Variants in CELF2 observed in about 807,000 individuals in gnomAD.
CELF2 encodes the protein CUG triplet repeat RNA-binding protein 2.
CELF2 carries 8 observed loss-of-function variants against 62.6 expected under a neutral mutation model. That is an observed-to-expected ratio of 0.13 (90% CI 0.07 to 0.23). CELF2 has a LOEUF of 0.23. Among genes scored for constraint, CELF2 ranks in the 10% least tolerant of loss-of-function variants. The pLI is 1.00. For synonymous variants in CELF2, 258 were observed against 250.0 expected (o/e 1.03, Z -0.30); for missense variants, 333 against 671.0 (o/e 0.50, Z 5.56).
At chr10:11,088,523 A>T (rs1207785067) in intron 1 of CELF2, among the ~76,000 whole-genome samples, 5 of 143,638 alleles carry the variant, frequency 3.5e-5, no homozygotes, top group African/African-American at 1.3e-4. Flanking sequence ...TGAATTCAGT[A>T]AGCTACAGAA....
At chr10:10,497,970 T>C in the CELF2 span, among the ~76,000 whole-genome samples, 1 of 152,130 alleles carries the variant, frequency 6.6e-6, no homozygotes, top group Non-Finnish European at 1.5e-5. Flanking sequence ...GAGACTATTG[T>C]AGTAATTCAG....
chr10:10,529,720 G>A, the CELF2 span, among the ~76,000 whole-genome samples: 1 of 146,908 alleles, frequency 6.8e-6, no homozygotes, highest in Non-Finnish European at 1.5e-5. Flanking sequence ...AATGGTGAGT[G>A]TGAAGCAATC....
intron 2 of CELF2, among the ~76,000 whole-genome samples, chr10:10,962,944 G>A (rs1034770312): frequency 3.9e-5 from 6 of 152,190 alleles, no homozygotes; most frequent in Admixed American, 6.5e-5. Context: ...TTCATCAAAC[G>A]TGCAATGCCA....
intron 1 of CELF2, among the ~76,000 whole-genome samples, chr10:11,019,642 A>G (rs776875593): frequency 1.3e-5 from 2 of 152,154 alleles, no homozygotes; most frequent in South Asian, 2.1e-4. Context: ...CTGTTATGCA[A>G]ATTGTCTTTT....
the CELF2 span, among the ~76,000 whole-genome samples, chr10:10,643,944 C>A: frequency 2.0e-5 from 3 of 152,196 alleles, no homozygotes; most frequent in Non-Finnish European, 2.9e-5. Context: ...TAATCTGTTT[C>A]TCCCCTGTCT....
chr10:11,029,368 C>T (rs1016791562), intron 1 of CELF2, among the ~76,000 whole-genome samples: 3 of 152,196 alleles, frequency 2.0e-5, no homozygotes, highest in African/African-American at 7.2e-5. Flanking sequence ...TGACAGTTTG[C>T]TCCCAGTGCT....
chr10:10,705,289 C>T, the CELF2 span, among the ~76,000 whole-genome samples: 5 of 151,670 alleles, frequency 3.3e-5, no homozygotes, highest in African/African-American at 7.3e-5. Context: ...ATTTGTGAAG[C>T]TCTCAAACTC....
chr10:10,930,166 T>C lies in CELF2; in HGVS notation c.89+10167T>C, dbSNP rs140608061. Among the ~76,000 whole-genome samples, 213 of 152,324 alleles carry C rather than the reference T, an allele frequency of 1.4e-3. 1 individual carries two copies. The highest frequency in any genetic ancestry group is 4.8e-3 in the African/African-American group (201 of 41,578). ...GGAATGATCTTTATGAGGAAAACTT[T>C]AGAATATTGTTAAGTTACTCACTGT... is the stretch of plus-strand genomic sequence containing the variant. On this transcript the variant is annotated intron_variant, in intron 2 of 13. Coordinates refer to the CELF2 transcript ENST00000636488.
the CELF2 span, among the ~76,000 whole-genome samples, chr10:10,588,063 C>T: frequency 1.3e-5 from 2 of 151,426 alleles, no homozygotes; most frequent in African/African-American, 4.9e-5. Flanking sequence ...AAGATGAAGG[C>T]ATGATCCCTT....
At chr10:10,624,131 A>G in the CELF2 span, among the ~76,000 whole-genome samples, 668 of 152,326 alleles carry the variant, frequency 4.4e-3, 5 homozygotes, top group Middle Eastern at 6.8e-3. Flanking sequence ...ACTAGGAACA[A>G]TATTCCCAAG....
chr10:10,745,223 T>C, the CELF2 span, among the ~76,000 whole-genome samples: 1 of 152,034 alleles, frequency 6.6e-6, no homozygotes, highest in Non-Finnish European at 1.5e-5. Context: ...GTTTCTTCCA[T>C]CATCACTCGG....
At chr10:10,666,573 A>C in the CELF2 span, among the ~76,000 whole-genome samples, 2 of 136,542 alleles carry the variant, frequency 1.5e-5, no homozygotes, top group Non-Finnish European at 3.1e-5. Context: ...ATGTGTTTGT[A>C]AGAAAGAGGC....
chr10:10,495,122 A>AG, the CELF2 span, among the ~76,000 whole-genome samples: 1 of 151,824 alleles, frequency 6.6e-6, no homozygotes, highest in African/African-American at 2.4e-5. Flanking sequence ...TAAAAAAAAA[A>AG]TGCAAAAAAT....
the CELF2 span, among the ~76,000 whole-genome samples, chr10:10,753,456 A>G: frequency 3.3e-5 from 5 of 152,274 alleles, no homozygotes; most frequent in South Asian, 4.1e-4. Context: ...CATTACTTCC[A>G]ATCCACTTAA....
At chr10:11,287,355 C>T (rs2091578734) in intron 8 of CELF2, among the ~76,000 whole-genome samples, 1 of 152,068 alleles carries the variant, frequency 6.6e-6, no homozygotes, top group Non-Finnish European at 1.5e-5. Context: ...TTCAGAGAAC[C>T]TTTGGACTGA....
At chr10:10,675,313 C>CT in the CELF2 span, among the ~76,000 whole-genome samples, 1 of 152,084 alleles carries the variant, frequency 6.6e-6, no homozygotes, top group Non-Finnish European at 1.5e-5. Flanking sequence ...TCACTTGACT[C>CT]TTTTTTTGCT....
At chr10:11,083,140 G>T (rs11256968) in intron 1 of CELF2, among the ~76,000 whole-genome samples, 1 of 152,134 alleles carries the variant, frequency 6.6e-6, no homozygotes, top group Admixed American at 6.5e-5. Context: ...GCAGTGAGGT[G>T]GGGGTTCAGG....
At chr10:11,036,362 G>T (rs1416397191) in intron 1 of CELF2, among the ~76,000 whole-genome samples, 1 of 152,180 alleles carries the variant, frequency 6.6e-6, no homozygotes, top group Non-Finnish European at 1.5e-5. Flanking sequence ...TAAATTGAGG[G>T]CAGCTTCTAT....
At chr10:11,204,091 G>A (rs938541625) in intron 2 of CELF2, among the ~76,000 whole-genome samples, 5 of 152,096 alleles carry the variant, frequency 3.3e-5, no homozygotes, top group African/African-American at 4.8e-5. Flanking sequence ...TATCCCCTCC[G>A]CTTTCAAAAG....
Sources: gnomAD v4.1 joint callset for allele counts (sites outside exome capture counted in the v4.1 genomes callset) on GRCh38, gnomAD v4.1.1 for gene constraint, MANE v1.5 for transcripts, NCBI Gene and HGNC (gene_info 2026-07-23, HGNC 2026-07-21) for gene names.